The following PAPSS1 variants were observed in gnomAD, a reference collection of about 807,000 sequenced individuals.
The protein encoded by PAPSS1 is bifunctional 3'-phosphoadenosine 5'-phosphosulfate synthase 1.
In PAPSS1, 50 loss-of-function variants were observed where a neutral mutation model predicts 72.0. That is an observed-to-expected ratio of 0.69 (90% CI 0.55 to 0.88). The LOEUF is 0.88. Ranked by LOEUF, PAPSS1 falls within the 40% of genes least tolerant of loss-of-function variation. The probability of loss-of-function intolerance (pLI) is 0.00; values close to 1 mark genes in which losing one functional copy is unlikely to be tolerated. For synonymous variants in PAPSS1, 261 were observed against 263.6 expected (o/e 0.99, Z 0.09); for missense variants, 657 against 782.2 (o/e 0.84, Z 1.91).
chr4:107,692,657 G>C (rs538404734), intron 3 of PAPSS1, among the ~76,000 whole-genome samples: 52 of 152,130 alleles, frequency 3.4e-4, no homozygotes, highest in African/African-American at 1.2e-3. Context: ...ATGAGTATAA[G>C]TCACTCTATT....
intron 10 of PAPSS1, among the ~76,000 whole-genome samples, chr4:107,635,356 T>C (rs1291316995): frequency 6.6e-6 from 1 of 152,196 alleles, no homozygotes; most frequent in Non-Finnish European, 1.5e-5. Context: ...AGCATTAATA[T>C]GGTATACATT....
At chr4:107,670,617 C>A (rs751229212) in intron 5 of PAPSS1, among the ~76,000 whole-genome samples, 21 of 152,186 alleles carry the variant, frequency 1.4e-4, no homozygotes, top group Non-Finnish European at 4.4e-5. Context: ...TAGCTCTCTG[C>A]AGCCTCAAAC....
intron 10 of PAPSS1, among the ~76,000 whole-genome samples, chr4:107,633,264 A>G (rs906999509): frequency 2.0e-5 from 3 of 152,242 alleles, no homozygotes; most frequent in African/African-American, 7.2e-5. Flanking sequence ...AGTGAGGATT[A>G]TAATAGTATT....
At chr4:107,677,575 T>G (rs1172623198) in intron 5 of PAPSS1, among the ~76,000 whole-genome samples, 2 of 152,218 alleles carry the variant, frequency 1.3e-5, no homozygotes, top group Admixed American at 1.3e-4. Context: ...GGAACACTTT[T>G]ACACTGTTGG....
rs1439288774 is a variant in PAPSS1, at chr4:107,653,483, T to A, written c.1237+8A>T. On this transcript the variant is annotated splice_region_variant and intron_variant, in intron 9 of 11. Transcript: ENST00000265174. ...GGCCTATATTAGGTAATTAAATCCA[T>A]GTCTTACCAGCATTCATATCTTTAA... is the stretch of plus-strand genomic sequence containing the variant. 29 of 1,609,448 alleles carry A rather than the reference T, an allele frequency of 1.8e-5. No individual in the cohort carries two copies. The highest frequency in any genetic ancestry group is 2.2e-5 in the Non-Finnish European group (26 of 1,178,248).
At chr4:107,712,849 G>A (rs1301849677) in intron 1 of PAPSS1, among the ~76,000 whole-genome samples, 1 of 148,806 alleles carries the variant, frequency 6.7e-6, no homozygotes, top group African/African-American at 2.5e-5. Context: ...CTCCAGCCAG[G>A]CGACAGAGCG....
At chr4:107,703,046 T>C (rs1017529444) in intron 1 of PAPSS1, among the ~76,000 whole-genome samples, 12 of 152,196 alleles carry the variant, frequency 7.9e-5, no homozygotes, top group African/African-American at 2.9e-4. Flanking sequence ...CTAACAGGTG[T>C]GAGGTGATAG....
intron 1 of PAPSS1, among the ~76,000 whole-genome samples, chr4:107,711,949 C>T (rs1359002995): frequency 6.6e-6 from 1 of 152,218 alleles, no homozygotes; most frequent in Non-Finnish European, 1.5e-5. Flanking sequence ...TGTGGCAACA[C>T]TGGCATGGCC....
chr4:107,673,491 CGAGAA>C (rs1221480744), intron 5 of PAPSS1, among the ~76,000 whole-genome samples: 4 of 151,468 alleles, frequency 2.6e-5, no homozygotes, highest in African/African-American at 9.7e-5. Context: ...TGAAATGAAG[CGAGAA>C]GAGAAGTTTA....
intron 10 of PAPSS1, among the ~76,000 whole-genome samples, chr4:107,636,061 G>A (rs886837242): frequency 6.6e-6 from 1 of 152,184 alleles, no homozygotes; most frequent in African/African-American, 2.4e-5. Context: ...CTCTGCTTAT[G>A]TGAAAGAAAA....
chr4:107,630,071 G>A (rs1409123652), intron 11 of PAPSS1, among the ~76,000 whole-genome samples: 3 of 152,096 alleles, frequency 2.0e-5, no homozygotes, highest in Non-Finnish European at 4.4e-5. Context: ...AGACTACATT[G>A]ACATGGTTAA....
chr4:107,641,740 G>C (rs146797006), intron 10 of PAPSS1, among the ~76,000 whole-genome samples: 236 of 152,252 alleles, frequency 1.6e-3, no homozygotes, highest in South Asian at 5.4e-3. Context: ...ATCAGGGCTA[G>C]GACACACGCT....
chr4:107,672,852 C>CT (rs1242742789), intron 5 of PAPSS1, among the ~76,000 whole-genome samples: 1 of 152,182 alleles, frequency 6.6e-6, no homozygotes, highest in African/African-American at 2.4e-5. Context: ...AGGTACTCCT[C>CT]TGAGAAAAAA....
chr4:107,692,451 G>A (rs1327283889), intron 3 of PAPSS1, among the ~76,000 whole-genome samples: 3 of 152,196 alleles, frequency 2.0e-5, no homozygotes, highest in East Asian at 1.9e-4. Flanking sequence ...TCTCACACTC[G>A]TCAGAATGGC....
chr4:107,715,672 T>C (rs1376487255), intron 1 of PAPSS1, among the ~76,000 whole-genome samples: 2 of 152,222 alleles, frequency 1.3e-5, no homozygotes, highest in Non-Finnish European at 1.5e-5. Context: ...TAGAATGTAA[T>C]ATCCATGAAA....
chr4:107,713,253 T>C (rs1723542840), intron 1 of PAPSS1, among the ~76,000 whole-genome samples: 1 of 152,142 alleles, frequency 6.6e-6, no homozygotes, highest in African/African-American at 2.4e-5. Context: ...TTATATAATT[T>C]CATTTCTAGG....
At chr4:107,620,126 A>C (rs2726673) in intron 11 of PAPSS1, among the ~76,000 whole-genome samples, 16,900 of 152,238 alleles carry the variant, frequency 0.11, 1,680 homozygotes, top group African/African-American at 0.27. Context: ...TATCTTTTGA[A>C]GGTTCATATT....
intron 3 of PAPSS1, 46 bp from the exon 4 acceptor site, chr4:107,687,223 T>C: frequency 7.0e-7 from 1 of 1,435,136 alleles, no homozygotes; most frequent in Non-Finnish European, 9.3e-7. Flanking sequence ...ATCACAAACG[T>C]ACTATATTAA....
At chr4:107,624,358 T>C (rs1441132901) in intron 11 of PAPSS1, among the ~76,000 whole-genome samples, 1 of 152,240 alleles carries the variant, frequency 6.6e-6, no homozygotes, top group African/African-American at 2.4e-5. Context: ...TTCAATTGTA[T>C]GGTCAGTGGT....
Sources: allele counts gnomAD v4.1 joint callset (sites outside exome capture counted in the v4.1 genomes callset), GRCh38; gene constraint gnomAD v4.1.1; transcripts MANE v1.5; gene names NCBI Gene and HGNC (gene_info 2026-07-23, HGNC 2026-07-21).